NEK3: variants seen among roughly 807,000 people sequenced by gnomAD.
NEK3 encodes the protein NIMA related kinase 3.
Under a neutral mutation model 66.0 loss-of-function variants are expected in NEK3, and 54 were observed. The observed-to-expected ratio is 0.82, with a 90% CI of 0.66 to 1.03. The LOEUF (loss-of-function observed/expected upper bound fraction) is 1.03. Ranked by LOEUF, NEK3 falls within the 50% of genes least tolerant of loss-of-function variation. The pLI is 0.00. For missense variants in NEK3, 593 were observed against 603.0 expected, an observed-to-expected ratio of 0.98 and a Z score of 0.17; for synonymous variants, 200 against 206.2, an observed-to-expected ratio of 0.97 and a Z score of 0.26.
chr13:52,148,357 T>C, intron 8 of NEK3, 58 bp downstream of exon 8: 1 of 1,513,220 alleles, frequency 6.6e-7, no homozygotes, highest in South Asian at 1.1e-5. Context: ...TCTGTCACAT[T>C]ATTAGGGCTC....
intron 8 of NEK3, among the ~76,000 whole-genome samples, chr13:52,147,081 A>T (rs959398443): frequency 2.0e-5 from 3 of 152,240 alleles, no homozygotes; most frequent in African/African-American, 7.2e-5. Context: ...ATTTTTAAAA[A>T]TATCTTGAAA....
In NEK3 at chr13:52,134,348, GAA is replaced by G. The variant is rs200090488; in HGVS notation, c.1310-535_1310-534del. Among the ~76,000 whole-genome samples the G allele has an allele frequency of 2.0e-5, 3 of 147,594 alleles. No individual in the cohort carries two copies. The South Asian group carries it at 6.4e-4, about 31-fold the overall frequency. ...CCTATAAACAGGATTTTCTTTAAGA[GAA>G]AAAAAAAACTCGGAAAATTGCCATA... On this transcript the variant is annotated intron_variant, in intron 14 of 15. Coordinates refer to ENST00000610828, the MANE Select transcript of NEK3 (RefSeq NM_002498.3).
intron 8 of NEK3, 200 bp downstream of exon 8, chr13:52,148,215 C>G (rs575871083): frequency 4.5e-6 from 2 of 442,326 alleles, no homozygotes; most frequent in East Asian, 6.4e-5. Flanking sequence ...ATGTATTGCA[C>G]AGCCAAACTG....
At chr13:52,134,505 G>C (rs1019981212) in intron 14 of NEK3, among the ~76,000 whole-genome samples, 2 of 152,130 alleles carry the variant, frequency 1.3e-5, no homozygotes, top group African/African-American at 4.8e-5. Context: ...AGAAAAGTAG[G>C]GAACTGAAGG....
chr13:52,155,370 T>A (rs1956386430), intron 2 of NEK3, among the ~76,000 whole-genome samples: 1 of 152,192 alleles, frequency 6.6e-6, no homozygotes, highest in South Asian at 2.1e-4. Flanking sequence ...CAGAGTAGGT[T>A]TACTGGTACC....
chr13:52,139,632 C>T (rs1956231106), intron 11 of NEK3, among the ~76,000 whole-genome samples: 1 of 152,174 alleles, frequency 6.6e-6, no homozygotes, highest in African/African-American at 2.4e-5. Flanking sequence ...GGTGTGGTGG[C>T]TCATGCCTGT....
chr13:52,146,027 TTTTA>T (rs1956293350), intron 8 of NEK3, among the ~76,000 whole-genome samples: 2 of 152,232 alleles, frequency 1.3e-5, no homozygotes, highest in South Asian at 2.1e-4. Flanking sequence ...CATATTATGT[TTTTA>T]TTTATGGTAT....
intron 11 of NEK3, among the ~76,000 whole-genome samples, 156 bp from the exon 12 acceptor site, chr13:52,137,058 CCATA>C (rs1478801406): frequency 2.6e-5 from 4 of 151,604 alleles, no homozygotes; most frequent in African/African-American, 9.7e-5. Flanking sequence ...ATATTAATAG[CCATA>C]TATATCTATA....
In NEK3 at chr13:52,132,859, A is replaced by G; in HGVS notation, c.*283T>C. 3.0e-6 allele frequency: 1 copy of G among 333,960 alleles called. No homozygotes were observed. Among genetic ancestry groups the G allele is most frequent in the South Asian group, 6.8e-5 (1 of 14,602 alleles). The allele number at this position is 333,960 out of a possible 1,614,324, so 20.7% of individuals were successfully genotyped here. A position where few individuals can be genotyped will look rare whatever the true frequency, so the allele number is the denominator to read the frequency against. The stretch of plus-strand genomic sequence containing the variant: ...AGTAATTTCCCACAATCACACAAGT[A>G]GGTAGTGGCACGCTAGCATCCCATT... On this transcript the variant is annotated 3_prime_UTR_variant, in exon 16 of 16. Transcript: ENST00000610828.
intron 13 of NEK3, 30 bp from the exon 14 acceptor site, chr13:52,135,893 G>C: frequency 1.3e-6 from 2 of 1,596,900 alleles, no homozygotes; most frequent in Non-Finnish European, 1.7e-6. Flanking sequence ...AATTAGTGCT[G>C]AATAAAAAAA....
chr13:52,145,149 G>GT (rs1195325126), intron 8 of NEK3, among the ~76,000 whole-genome samples: 4 of 152,046 alleles, frequency 2.6e-5, no homozygotes, highest in Non-Finnish European at 5.9e-5. Flanking sequence ...TAGTCCTAAT[G>GT]TTTTTTGCAG....
chr13:52,135,769 A>G lies in NEK3; in HGVS notation c.1269T>C (p.Asp423=), dbSNP rs1279978821. ...DTLLNILKNA[D]LSLAFQTYTI... Reference sequence around the variant, plus strand: ...TGTATGTTTGAAAAGCCAAGCTGAGATCAGCATTCTTAAGGATGTTCAACA... The same window carrying G: ...TGTATGTTTGAAAAGCCAAGCTGAGGTCAGCATTCTTAAGGATGTTCAACA... The change falls in exon 14 of 16, where the codon GAT becomes GAC. Residue 423 remains aspartate, a synonymous_variant. Coordinates refer to ENST00000610828, the MANE Select transcript of NEK3 (RefSeq NM_002498.3). 1 of 1,613,640 alleles carries G rather than the reference A, an allele frequency of 6.2e-7. No individual in the cohort carries two copies. Among genetic ancestry groups the G allele is most frequent in the Non-Finnish European group, 8.5e-7 (1 of 1,179,674 alleles).
chr13:52,134,703 A>C (rs1429222605), intron 14 of NEK3, among the ~76,000 whole-genome samples: 1 of 152,222 alleles, frequency 6.6e-6, no homozygotes, highest in African/African-American at 2.4e-5. Context: ...TGGACCAGAC[A>C]CAAAATCCAG....
chr13:52,140,828 C>T (rs3742296), intron 11 of NEK3, among the ~76,000 whole-genome samples, 192 bp downstream of exon 11: 88,532 of 149,564 alleles, frequency 0.59, 27,105 homozygotes, highest in Middle Eastern at 0.7. Context: ...TATTTTTTTT[C>T]TTTTGAGATG....
Position 52,154,186 on chromosome 13 carries a change from T to C in NEK3, c.118-13A>G, listed in dbSNP as rs537813327. ...TATTAGAGAAAGACTAGAAAAACAT[T>C]TTAAATAAGCATAAACTTAATACTG... On this transcript the variant is annotated splice_polypyrimidine_tract_variant and intron_variant, in intron 2 of 15. Coordinates refer to ENST00000610828, the MANE Select transcript of NEK3 (RefSeq NM_002498.3). 2 of 1,513,708 alleles carry C rather than the reference T, an allele frequency of 1.3e-6. No individual in the cohort carries two copies. Among genetic ancestry groups the C allele is most frequent in the African/African-American group, 2.8e-5 (2 of 72,350 alleles). 93.8% of individuals were successfully genotyped at this position (1,513,708 alleles called of 1,614,324 possible).
In NEK3 at chr13:52,132,740, C is replaced by T. The variant is rs1886540; in HGVS notation, c.*402G>A. On this transcript the variant is annotated 3_prime_UTR_variant, in exon 16 of 16. Transcript: ENST00000610828. Reference sequence around the variant, plus strand: ...ATATCATAATGTGAATAATATCATACGGGCTGCTATAAAGGTCTGTGGTCA... The same window carrying T: ...ATATCATAATGTGAATAATATCATATGGGCTGCTATAAAGGTCTGTGGTCA... 2,606 of 164,834 alleles carry T rather than the reference C, an allele frequency of 0.016. 83 individuals are homozygous for T. Among genetic ancestry groups the T allele is most frequent in the Admixed American group, 0.083 (1,358 of 16,432 alleles). The allele number at this position is 164,834 out of a possible 1,614,324, so 10.2% of individuals were successfully genotyped here. A position where few individuals can be genotyped will look rare whatever the true frequency, so the allele number is the denominator to read the frequency against.
chr13:52,158,140 G>C (rs1389101887), intron 1 of NEK3, among the ~76,000 whole-genome samples: 3 of 152,192 alleles, frequency 2.0e-5, no homozygotes, highest in African/African-American at 4.8e-5. Flanking sequence ...GCCTCCCAAA[G>C]TGCTGGGATT....
intron 12 of NEK3, 132 bp from the exon 13 acceptor site, chr13:52,136,391 A>G (rs1956206474): frequency 1.0e-6 from 1 of 959,308 alleles, no homozygotes; most frequent in Non-Finnish European, 1.5e-6. Context: ...TTGAAAGATC[A>G]ATGTTCTTTC....
Position 52,144,729 on chromosome 13 carries a change from T to C in NEK3, c.766A>G (p.Ile256Val), listed in dbSNP as rs1340495561. 4.3e-6 allele frequency: 7 copies of C among 1,613,906 alleles called. No individual in the cohort carries two copies. Among genetic ancestry groups the C allele is most frequent in the African/African-American group, 1.3e-5 (1 of 75,038 alleles). ...PSATTLLSRG[I>V]VARLVQKCLP... is the part of the protein sequence containing the mutation. Reference sequence around the variant, plus strand: ...CACTTCTGGACAAGCCGAGCTACGATGCCTCGAGAGAGAAGCGTTGTAGCC... The same window carrying C: ...CACTTCTGGACAAGCCGAGCTACGACGCCTCGAGAGAGAAGCGTTGTAGCC... Residue 256 changes from isoleucine (I) to valine (V), a missense_variant, in exon 9 of 16, where the codon ATC becomes GTC. Coordinates refer to ENST00000610828, the MANE Select transcript of NEK3 (RefSeq NM_002498.3).
Sources: allele counts gnomAD v4.1 joint callset (sites outside exome capture counted in the v4.1 genomes callset), GRCh38; gene constraint gnomAD v4.1.1; transcripts MANE v1.5; gene names NCBI Gene and HGNC (gene_info 2026-07-23, HGNC 2026-07-21).